Variants in ANKFN1 observed in about 807,000 individuals in gnomAD.
The protein encoded by ANKFN1 is ankyrin repeat and fibronectin type-III domain-containing protein 1.
In ANKFN1, 74 loss-of-function variants were observed where a neutral mutation model predicts 108.7. The observed-to-expected ratio is 0.68, with a 90% CI of 0.56 to 0.83. The LOEUF is 0.83. Among genes scored for constraint, ANKFN1 ranks in the 40% least tolerant of loss-of-function variants. The pLI is 0.00. For missense variants in ANKFN1, 1,505 were observed against 1,382.3 expected (o/e 1.09, Z -1.41); for synonymous variants, 547 against 516.2 (o/e 1.06, Z -0.81).
chr17:56,324,629 G>C (rs12450830), intron 3 of ANKFN1, among the ~76,000 whole-genome samples: 75,131 of 151,950 alleles, frequency 0.49, 19,546 homozygotes, highest in East Asian at 0.94. Flanking sequence ...TTGGCCTAAG[G>C]TGTGCAAGAG....
At chr17:56,461,515 C>G (rs929478773) in intron 14 of ANKFN1, among the ~76,000 whole-genome samples, 1 of 152,172 alleles carries the variant, frequency 6.6e-6, no homozygotes, top group African/African-American at 2.4e-5. Flanking sequence ...CCCTTCTTTC[C>G]TCACTTTGCC....
chr17:56,315,852 C>T (rs2045190937), intron 3 of ANKFN1, among the ~76,000 whole-genome samples: 1 of 152,174 alleles, frequency 6.6e-6, no homozygotes. Context: ...AGGGTCACAC[C>T]AATGTCTGTG....
At chr17:56,085,645 A>T (rs923340123) in intron 4 of ANKFN1, among the ~76,000 whole-genome samples, 4 of 151,346 alleles carry the variant, frequency 2.6e-5, no homozygotes, top group African/African-American at 7.3e-5. Flanking sequence ...CTGGCAACTG[A>T]CTTCTCCTCT....
In ANKFN1 at chr17:56,511,990, A is replaced by G. The variant is rs1327785681; in HGVS notation, c.*721A>G. 6.6e-6 allele frequency among the ~76,000 whole-genome samples: 1 copy of G among 152,220 alleles called. No individual in the cohort carries two copies. The highest frequency in any genetic ancestry group is 2.4e-5 in the African/African-American group (1 of 41,436). On this transcript the variant is annotated 3_prime_UTR_variant, in exon 21 of 21. Transcript: ENST00000682825. ...GCAAAGATAGAATAGGACAGAAAGT[A>G]GCCCTTCCTGTATACTCAGCTCCCA...
At chr17:56,366,273 A>C (rs913262373) in intron 6 of ANKFN1, among the ~76,000 whole-genome samples, 1 of 152,218 alleles carries the variant, frequency 6.6e-6, no homozygotes, top group Non-Finnish European at 1.5e-5. Flanking sequence ...AGACCCAAAA[A>C]GTTTTAAAAA....
chr17:56,397,521 A>G (rs2047622546), intron 8 of ANKFN1, among the ~76,000 whole-genome samples: 1 of 152,238 alleles, frequency 6.6e-6, no homozygotes, highest in African/African-American at 2.4e-5. Context: ...ACTCTTTACT[A>G]CAATGACTGA....
At chr17:56,307,842 T>C (rs2044879138) in intron 3 of ANKFN1, among the ~76,000 whole-genome samples, 1 of 152,118 alleles carries the variant, frequency 6.6e-6, no homozygotes, top group South Asian at 2.1e-4. Context: ...TGTCCAACAA[T>C]GATAGACTGG....
At chr17:56,467,340 A>C (rs909147680) in intron 15 of ANKFN1, among the ~76,000 whole-genome samples, 1 of 152,036 alleles carries the variant, frequency 6.6e-6, no homozygotes, top group Non-Finnish European at 1.5e-5. Flanking sequence ...GTTCCTTACG[A>C]TACTCCCTTG....
chr17:56,089,885 T>C lies in ANKFN1; in HGVS notation c.288+43560T>C, dbSNP rs181067233. ...AAATATGTGCATGATAATAACCTTG[T>C]ACTTGGCACGTATTGGCTGGAAAAT... On this transcript the variant is annotated intron_variant, in intron 4 of 12. Coordinates refer to the ANKFN1 transcript ENST00000635860. Among the ~76,000 whole-genome samples, 535 of 151,472 alleles carry C rather than the reference T, an allele frequency of 3.5e-3. 20 individuals are homozygous for C. The highest frequency in any genetic ancestry group is 5.7e-3 in the Admixed American group (87 of 15,184).
intron 3 of ANKFN1, among the ~76,000 whole-genome samples, chr17:56,285,327 T>C (rs950966184): frequency 6.6e-6 from 1 of 152,146 alleles, no homozygotes; most frequent in South Asian, 2.1e-4. Context: ...TCCTTATGTA[T>C]TTAAGAATCT....
intron 4 of ANKFN1, among the ~76,000 whole-genome samples, chr17:56,126,288 A>C (rs1906923797): frequency 1.0e-5 from 1 of 96,708 alleles, no homozygotes; most frequent in African/African-American, 5.0e-5. Context: ...CTCAGGAAAA[A>C]AAAAGGGGGG....
At chr17:56,103,548 C>G (rs1905687978) in intron 4 of ANKFN1, among the ~76,000 whole-genome samples, 1 of 152,252 alleles carries the variant, frequency 6.6e-6, no homozygotes, top group Middle Eastern at 3.4e-3. Context: ...CCACCGAGTC[C>G]CATTGGGTGT....
chr17:56,223,799 A>C (rs1916056146), intron 2 of ANKFN1, among the ~76,000 whole-genome samples: 1 of 152,216 alleles, frequency 6.6e-6, no homozygotes, highest in African/African-American at 2.4e-5. Flanking sequence ...TCTTTGTACA[A>C]TAAGTTTTCA....
At chr17:56,131,205 A>G (rs1233972650) in intron 4 of ANKFN1, among the ~76,000 whole-genome samples, 1 of 152,242 alleles carries the variant, frequency 6.6e-6, no homozygotes, top group Non-Finnish European at 1.5e-5. Flanking sequence ...TAGCTAGAAC[A>G]TAAGATAGTG....
intron 4 of ANKFN1, among the ~76,000 whole-genome samples, chr17:56,124,775 T>C (rs765988707): frequency 6.6e-6 from 1 of 152,224 alleles, no homozygotes; most frequent in Admixed American, 6.5e-5. Context: ...AGGCCTGCCT[T>C]TGGGATTATT....
intron 8 of ANKFN1, among the ~76,000 whole-genome samples, chr17:56,397,353 C>T (rs978476506): frequency 2.0e-5 from 3 of 152,178 alleles, no homozygotes; most frequent in Admixed American, 1.3e-4. Context: ...CTAAGAACTA[C>T]ACCAATCAAT....
chr17:56,099,935 A>C (rs530698749), intron 4 of ANKFN1, among the ~76,000 whole-genome samples: 14 of 152,324 alleles, frequency 9.2e-5, no homozygotes, highest in Non-Finnish European at 1.9e-4. Flanking sequence ...CTGGTTGTAC[A>C]TGGAAGATAG....
chr17:56,396,301 A>G (rs2047581591), intron 8 of ANKFN1, among the ~76,000 whole-genome samples: 1 of 152,150 alleles, frequency 6.6e-6, no homozygotes, highest in Non-Finnish European at 1.5e-5. Context: ...TACAAAAATT[A>G]ACTGGGCATG....
At chr17:56,315,414 C>T (rs894781588) in intron 3 of ANKFN1, among the ~76,000 whole-genome samples, 1 of 152,154 alleles carries the variant, frequency 6.6e-6, no homozygotes, top group South Asian at 2.1e-4. Context: ...CTGACAAATG[C>T]GTGAAACACT....
Sources: gnomAD v4.1 joint callset for allele counts (sites outside exome capture counted in the v4.1 genomes callset) on GRCh38, gnomAD v4.1.1 for gene constraint, MANE v1.5 for transcripts, NCBI Gene and HGNC (gene_info 2026-07-23, HGNC 2026-07-21) for gene names.